Variants in TF observed in about 807,000 individuals in gnomAD.
TF encodes the protein transferrin.
TF carries 55 observed loss-of-function variants against 82.4 expected under a neutral mutation model. The observed-to-expected ratio is 0.67, with a 90% CI of 0.54 to 0.84. TF has a LOEUF of 0.84. Among genes scored for constraint, TF ranks in the 40% least tolerant of loss-of-function variants. TF has a pLI of 0.00. For synonymous variants in TF, 332 were observed against 332.6 expected (o/e 1.00, Z 0.02); for missense variants, 737 against 868.4 (o/e 0.85, Z 1.90).
the TF span, among the ~76,000 whole-genome samples, chr3:133,724,946 G>C: frequency 1.3e-5 from 2 of 152,118 alleles, no homozygotes; most frequent in Admixed American, 1.3e-4. Flanking sequence ...TCTCAGGTTT[G>C]TCAAAGATCA....
chr3:133,670,154 G>A, the TF span, among the ~76,000 whole-genome samples: 1 of 152,314 alleles, frequency 6.6e-6, no homozygotes, highest in East Asian at 1.9e-4. Context: ...ATGCCAGCTT[G>A]GACACCTACT....
chr3:133,704,874 A>G, the TF span, among the ~76,000 whole-genome samples: 6 of 152,306 alleles, frequency 3.9e-5, no homozygotes, highest in African/African-American at 1.2e-4. Flanking sequence ...TTTCCCTAAT[A>G]TCATTGATTA....
the TF span, among the ~76,000 whole-genome samples, chr3:133,708,380 A>C: frequency 6.6e-6 from 1 of 152,072 alleles, no homozygotes; most frequent in South Asian, 2.1e-4. Context: ...GAAAAAGTAC[A>C]GTGTATGTAA....
chr3:133,754,038 C>G, intron 3 of TF: 2 of 469,270 alleles, frequency 4.3e-6, no homozygotes, highest in South Asian at 4.3e-5. Flanking sequence ...GCCATAGGTA[C>G]CACTCACACA....
chr3:133,778,567 T>C lies in TF; in HGVS notation c.2063-19T>C. On this transcript the variant is annotated intron_variant, in intron 16 of 16. Transcript: ENST00000402696. Reference sequence around the variant, plus strand: ...ATAGGAAGATTTTGAAAATCCTACCTCTCTGCTCTGCTCCACAGCACTCCT... The same window carrying C: ...ATAGGAAGATTTTGAAAATCCTACCCCTCTGCTCTGCTCCACAGCACTCCT... The C allele has an allele frequency of 6.2e-7, 1 of 1,612,480 alleles. No homozygotes were observed. Among genetic ancestry groups the C allele is most frequent in the Non-Finnish European group, 8.5e-7 (1 of 1,178,962 alleles).
the TF span, chr3:133,699,749 G>A: frequency 1.3e-3 from 499 of 381,628 alleles, 5 homozygotes; most frequent in South Asian, 9.8e-3. Context: ...TGGGAGCCAT[G>A]CCACATGTGA....
chr3:133,777,353 A>G, intron 16 of TF, 115 bp downstream of exon 16: 1 of 970,616 alleles, frequency 1.0e-6, no homozygotes, highest in Admixed American at 1.9e-5. Context: ...CAACATGGAC[A>G]AAATGAAATG....
At chr3:133,730,597 C>T in the TF span, among the ~76,000 whole-genome samples, 1 of 152,144 alleles carries the variant, frequency 6.6e-6, no homozygotes, top group African/African-American at 2.4e-5. Context: ...GTCAAGAACC[C>T]CACCTCTGCT....
At chr3:133,747,488 ATCT>A (rs1933535429) in intron 1 of TF, among the ~76,000 whole-genome samples, 3 of 152,162 alleles carry the variant, frequency 2.0e-5, no homozygotes, top group South Asian at 2.1e-4. Context: ...GGCTTTGTGG[ATCT>A]TCTTCAGAGC....
the TF span, among the ~76,000 whole-genome samples, chr3:133,724,226 G>A: frequency 1.3e-5 from 2 of 152,196 alleles, no homozygotes; most frequent in Non-Finnish European, 2.9e-5. Context: ...CTGAGGAATT[G>A]CCACACTGAC....
At chr3:133,744,063 T>A (rs1933444521), upstream of TF, among the ~76,000 whole-genome samples, 1 of 152,184 alleles carries the variant, frequency 6.6e-6, no homozygotes, top group Admixed American at 6.5e-5. Context: ...TCATATCCCA[T>A]GAGGCTGTAT....
At chr3:133,756,783 A>T (rs1321842918) in intron 6 of TF, 48 bp from the exon 7 acceptor site, 1 of 1,609,632 alleles carries the variant, frequency 6.2e-7, no homozygotes, top group Admixed American at 1.7e-5. Context: ...TGGGCACCAC[A>T]GCCCATGGCT....
chr3:133,698,367 C>T, the TF span, among the ~76,000 whole-genome samples: 6 of 152,352 alleles, frequency 3.9e-5, no homozygotes, highest in African/African-American at 1.4e-4. Flanking sequence ...TTTTCTAGGA[C>T]TGCTGTAGCA....
chr3:133,728,336 G>A, the TF span, among the ~76,000 whole-genome samples: 1 of 152,138 alleles, frequency 6.6e-6, no homozygotes, highest in Admixed American at 6.5e-5. Context: ...CATATTTCTT[G>A]GAGGCTTTGT....
At chr3:133,686,457 A>G in the TF span, among the ~76,000 whole-genome samples, 1 of 152,246 alleles carries the variant, frequency 6.6e-6, no homozygotes, top group Non-Finnish European at 1.5e-5. Flanking sequence ...CATCTGACAA[A>G]GGGCTAATAT....
chr3:133,743,743 G>T (rs1933436063), upstream of TF, among the ~76,000 whole-genome samples: 1 of 152,232 alleles, frequency 6.6e-6, no homozygotes, highest in East Asian at 1.9e-4. Context: ...GAACATCTCT[G>T]GTATAGAATT....
the TF span, among the ~76,000 whole-genome samples, chr3:133,675,401 T>C: frequency 6.6e-6 from 1 of 152,218 alleles, no homozygotes; most frequent in Non-Finnish European, 1.5e-5. Context: ...TATGACAGCT[T>C]TCAGGCTTGT....
chr3:133,794,902 G>A lies in TF; in HGVS notation c.*16282G>A, dbSNP rs547979240. The A allele has an allele frequency of 1.3e-5, 2 of 152,240 alleles. No individual in the cohort carries two copies. Among genetic ancestry groups the A allele is most frequent in the Non-Finnish European group, 2.9e-5 (2 of 68,024 alleles). The allele number at this position is 152,240 out of a possible 1,614,324, so 9.4% of individuals were successfully genotyped here. On this transcript the variant is annotated 3_prime_UTR_variant, in exon 17 of 17. Transcript: ENST00000402696. ...AAAAGGATCTGTTGTGTACAATTAT[G>A]GGTTATACTTTTATTTGTGAAGAAT...
Position 133,758,882 on chromosome 3 carries a change from T to A in TF, c.1049-293T>A, listed in dbSNP as rs373291188. Among the ~76,000 whole-genome samples, 4 of 152,088 alleles carry A rather than the reference T, an allele frequency of 2.6e-5. No homozygotes were observed. In the East Asian group the frequency reaches 7.7e-4, roughly 29 times the overall value. Reference sequence around the variant, plus strand: ...TATAAATAAGAACACCTCCAGTAGTTAAGTGCTATCTGAAAAACAAGAAGG... The same window carrying A: ...TATAAATAAGAACACCTCCAGTAGTAAAGTGCTATCTGAAAAACAAGAAGG... On this transcript the variant is annotated intron_variant, in intron 8 of 16. Coordinates refer to ENST00000402696, the MANE Select transcript of TF (RefSeq NM_001063.4).
Sources: gnomAD v4.1 joint callset for allele counts (sites outside exome capture counted in the v4.1 genomes callset) on GRCh38, gnomAD v4.1.1 for gene constraint, MANE v1.5 for transcripts, NCBI Gene and HGNC (gene_info 2026-07-23, HGNC 2026-07-21) for gene names.